CAMKMT: variants seen among roughly 807,000 people sequenced by gnomAD.
The protein encoded by CAMKMT is CaM KMT.
CAMKMT carries 53 observed loss-of-function variants against 48.0 expected under a neutral mutation model. That is an observed-to-expected ratio of 1.10 (90% CI 0.89 to 1.39). The LOEUF (loss-of-function observed/expected upper bound fraction) is 1.39. Among genes scored for constraint, CAMKMT ranks in the 40% most tolerant of loss-of-function variants. The pLI is 0.00. For synonymous variants in CAMKMT, 165 were observed against 152.3 expected (o/e 1.08, Z -0.61); for missense variants, 428 against 402.7 (o/e 1.06, Z -0.54).
intron 4 of CAMKMT, 44 bp downstream of exon 4, chr2:44,704,387 T>C (rs1308267644): frequency 3.1e-6 from 4 of 1,300,512 alleles, no homozygotes; most frequent in Non-Finnish European, 3.2e-6. Flanking sequence ...ATCACGGATA[T>C]TGAATCAACA....
intron 10 of CAMKMT, 51 bp from the exon 11 acceptor site, chr2:44,771,985 A>C: frequency 8.3e-7 from 1 of 1,210,540 alleles, no homozygotes; most frequent in East Asian, 2.3e-5. Context: ...TGACTGGTAA[A>C]GATCCCTAAT....
intron 3 of CAMKMT, among the ~76,000 whole-genome samples, chr2:44,426,635 A>C (rs1254304930): frequency 6.6e-6 from 1 of 152,186 alleles, no homozygotes; most frequent in Non-Finnish European, 1.5e-5. Context: ...AAAAATCTCT[A>C]TGAGGAGAAC....
At chr2:44,548,837 C>G (rs1312696356) in intron 3 of CAMKMT, among the ~76,000 whole-genome samples, 1 of 152,084 alleles carries the variant, frequency 6.6e-6, no homozygotes, top group African/African-American at 2.4e-5. Context: ...AGGTTGGAAG[C>G]AGAACTTTTT....
chr2:44,429,259 A>ATGTG (rs374003166), intron 3 of CAMKMT, among the ~76,000 whole-genome samples: 93 of 131,992 alleles, frequency 7.0e-4, no homozygotes, highest in African/African-American at 2.5e-3. Context: ...TTTTATATAT[A>ATGTG]TGTGTGTGTG....
intron 3 of CAMKMT, among the ~76,000 whole-genome samples, chr2:44,455,168 G>A (rs1667494015): frequency 2.0e-5 from 3 of 152,114 alleles, no homozygotes; most frequent in South Asian, 2.1e-4. Context: ...ATAATTAGTC[G>A]CATTTGGTTA....
intron 3 of CAMKMT, among the ~76,000 whole-genome samples, chr2:44,638,081 G>T (rs1420992174): frequency 6.8e-6 from 1 of 147,256 alleles, no homozygotes; most frequent in South Asian, 2.2e-4. Context: ...AAGAGAAAAA[G>T]AAAAAGAAAA....
At chr2:44,508,979 C>T (rs1278621304) in intron 3 of CAMKMT, among the ~76,000 whole-genome samples, 1 of 151,792 alleles carries the variant, frequency 6.6e-6, no homozygotes, top group African/African-American at 2.4e-5. Flanking sequence ...GCCTGTAGTC[C>T]CAGCTACTCG....
chr2:44,616,240 T>G (rs1376970202), intron 3 of CAMKMT, among the ~76,000 whole-genome samples: 4 of 152,160 alleles, frequency 2.6e-5, no homozygotes, highest in Non-Finnish European at 5.9e-5. Flanking sequence ...TTCAGCTGAG[T>G]GATCTTTGAA....
intron 3 of CAMKMT, among the ~76,000 whole-genome samples, chr2:44,524,438 T>C (rs1216517721): frequency 1.3e-5 from 2 of 152,212 alleles, no homozygotes; most frequent in African/African-American, 2.4e-5. Context: ...ATTATTATTA[T>C]TGTTTTCCAT....
intron 3 of CAMKMT, among the ~76,000 whole-genome samples, chr2:44,445,623 C>T (rs950724532): frequency 7.8e-5 from 11 of 140,190 alleles, no homozygotes. Flanking sequence ...CAGGGGAAGT[C>T]CAACATGTCG....
intron 5 of CAMKMT, 26 bp from the exon 6 acceptor site, chr2:44,707,373 T>G: frequency 1.2e-6 from 2 of 1,610,202 alleles, no homozygotes; most frequent in Non-Finnish European, 1.7e-6. Context: ...TGCTCATTGT[T>G]TGCTGTGCTC....
intron 3 of CAMKMT, among the ~76,000 whole-genome samples, chr2:44,596,593 A>G (rs570358154): frequency 6.6e-6 from 1 of 152,298 alleles, no homozygotes; most frequent in African/African-American, 2.4e-5. Context: ...ACATTTTAGA[A>G]CCACTGATTT....
chr2:44,763,523 G>C (rs561937923), intron 9 of CAMKMT, among the ~76,000 whole-genome samples: 1 of 152,326 alleles, frequency 6.6e-6, no homozygotes, highest in South Asian at 2.1e-4. Context: ...TAAAACATTA[G>C]AAGATCCTGT....
intron 3 of CAMKMT, among the ~76,000 whole-genome samples, chr2:44,518,443 AGCTGAT>A (rs374591395): frequency 5.3e-5 from 8 of 152,356 alleles, no homozygotes; most frequent in African/African-American, 1.9e-4. Flanking sequence ...CTTCTAAAAC[AGCTGAT>A]GTGAAAGTAG....
In CAMKMT at chr2:44,618,515, G is replaced by A. The variant is rs891412257; in HGVS notation, c.377-85768G>A. Among the ~76,000 whole-genome samples, 4 of 152,242 alleles carry A rather than the reference G, an allele frequency of 2.6e-5. No homozygotes were observed. The highest frequency in any genetic ancestry group is 4.4e-5 in the Non-Finnish European group (3 of 68,046). The stretch of plus-strand genomic sequence containing the variant: ...CAGACTGCGATGAGATGACATTGAT[G>A]ATGACACGTTGAGCATTGGTTGGTT... On this transcript the variant is annotated intron_variant, in intron 3 of 10. Transcript: ENST00000378494. This position sits in a 1 kb window ranked among gnomAD's most constrained non-coding sequence, Gnocchi z 4.0.
chr2:44,704,391 A>G, intron 4 of CAMKMT, 48 bp downstream of exon 4: 1 of 1,254,512 alleles, frequency 8.0e-7, no homozygotes, highest in Non-Finnish European at 1.1e-6. Flanking sequence ...CGGATATTGA[A>G]TCAACATATT....
At chr2:44,521,652 A>G (rs1033100603) in intron 3 of CAMKMT, among the ~76,000 whole-genome samples, 3 of 152,204 alleles carry the variant, frequency 2.0e-5, no homozygotes. Context: ...TATGTAGCTA[A>G]TAAGTGGCAG....
intron 3 of CAMKMT, among the ~76,000 whole-genome samples, chr2:44,427,189 T>A (rs1219755498): frequency 6.6e-6 from 1 of 152,088 alleles, no homozygotes; most frequent in African/African-American, 2.4e-5. Flanking sequence ...AAATATAAGA[T>A]CTCGAACCAT....
At chr2:44,498,021 G>A (rs370203819) in intron 3 of CAMKMT, among the ~76,000 whole-genome samples, 1 of 152,194 alleles carries the variant, frequency 6.6e-6, no homozygotes, top group Non-Finnish European at 1.5e-5. Flanking sequence ...AAGACATCAG[G>A]GATCATGGAG....
Sources: allele counts gnomAD v4.1 joint callset (sites outside exome capture counted in the v4.1 genomes callset), GRCh38; gene constraint gnomAD v4.1.1; non-coding constraint Gnocchi (gnomAD v3.1); transcripts MANE v1.5; gene names NCBI Gene and HGNC (gene_info 2026-07-23, HGNC 2026-07-21).